CAPN9: variants seen among roughly 807,000 people sequenced by gnomAD.
CAPN9 encodes the protein calpain 9, also known as calpain-9.
Under a neutral mutation model 92.8 loss-of-function variants are expected in CAPN9, and 81 were observed. The observed-to-expected ratio is 0.87, with a 90% confidence interval of 0.73 to 1.05. The LOEUF (loss-of-function observed/expected upper bound fraction) is 1.05, where lower values mean the gene tolerates loss of function less well. Ranked by LOEUF, CAPN9 falls within the 50% of genes least tolerant of loss-of-function variation. The pLI is 0.00. For synonymous variants in CAPN9, 304 were observed against 328.0 expected (o/e 0.93, Z 0.79); for missense variants, 848 against 866.2 (o/e 0.98, Z 0.26).
In CAPN9 at chr1:230,792,371, C is replaced by T. The variant is rs1368939881; in HGVS notation, c.1723-55C>T. On this transcript the variant is annotated intron_variant, in intron 15 of 19. Transcript: ENST00000271971. ...CTGCAGTCCCAGAGCTGAGGTCCCA[C>T]GAGGAGCCTCAGGTTGAAACACTGC... The T allele has an allele frequency of 4.0e-5, 59 of 1,491,870 alleles. 1 individual carries two copies. The highest frequency in any genetic ancestry group is 3.9e-4 in the African/African-American group (28 of 72,452). 92.4% of individuals were successfully genotyped at this position (1,491,870 alleles called of 1,614,324 possible).
Position 230,778,260 on chromosome 1 carries a change from G to C in CAPN9, c.954-713G>C, listed in dbSNP as rs1248834979. ...TACCTTTGGAATGTGTCTCAAATCT[G>C]GCCACTGTTCATCACCTCCCATACC... On this transcript the variant is annotated intron_variant, in intron 8 of 19. Coordinates refer to ENST00000271971, the MANE Select transcript of CAPN9 (RefSeq NM_006615.3). 2.0e-5 allele frequency among the ~76,000 whole-genome samples: 3 copies of C among 152,140 alleles called. No homozygotes were observed. In the East Asian group the frequency reaches 5.8e-4, roughly 29 times the overall value.
chr1:230,775,916 CAAAA>C (rs34406575), intron 8 of CAPN9, among the ~76,000 whole-genome samples: 5 of 110,546 alleles, frequency 4.5e-5, no homozygotes, highest in Admixed American at 2.0e-4. Context: ...TACTCCATCT[CAAAA>C]AAAAAAAAAA....
intron 2 of CAPN9, among the ~76,000 whole-genome samples, chr1:230,755,922 C>T (rs942516113): frequency 2.6e-5 from 4 of 152,148 alleles, no homozygotes; most frequent in Non-Finnish European, 5.9e-5. Flanking sequence ...ATTATACACA[C>T]CCTGGGGAGC....
Position 230,762,700 on chromosome 1 carries a change from G to T in CAPN9, c.450G>T (p.Leu150=). 6.2e-7 allele frequency: 1 copy of T among 1,614,196 alleles called. No homozygotes were observed. The highest frequency in any genetic ancestry group is 8.5e-7 in the Non-Finnish European group (1 of 1,180,022). Residue 150 remains leucine (L), a synonymous_variant, in exon 4 of 20, where the codon CTG becomes CTT. Coordinates refer to ENST00000271971, the MANE Select transcript of CAPN9 (RefSeq NM_006615.3). ...TGGACGTGGTGATCGATGACCGCCT[G>T]CCCACCTTCAGGGACCGCTTGGTTT... ...EWLDVVIDDR[L]PTFRDRLVFL...
At chr1:230,785,461 C>T (rs572801228) in intron 11 of CAPN9, among the ~76,000 whole-genome samples, 3 of 152,144 alleles carry the variant, frequency 2.0e-5, no homozygotes, top group Non-Finnish European at 4.4e-5. Context: ...GTCATGGGGG[C>T]GGATCTCTCA....
intron 14 of CAPN9, 136 bp downstream of exon 14, chr1:230,790,325 CT>C: frequency 7.3e-7 from 1 of 1,373,086 alleles, no homozygotes. Context: ...TTAAAAATAG[CT>C]TTCATTGTTT....
chr1:230,798,344 A>G (rs979291598), intron 19 of CAPN9, 124 bp downstream of exon 19: 7 of 670,698 alleles, frequency 1.0e-5, no homozygotes, highest in Non-Finnish European at 1.9e-5. Context: ...GGGAGTGATT[A>G]TAACAAAATA....
chr1:230,791,618 C>T (rs1572088018), intron 14 of CAPN9, among the ~76,000 whole-genome samples: 2 of 152,130 alleles, frequency 1.3e-5, no homozygotes, highest in South Asian at 4.1e-4. Flanking sequence ...ATTCTTTGCT[C>T]GGGGTTCTTA....
chr1:230,755,435 G>T, intron 2 of CAPN9, 29 bp downstream of exon 2: 1 of 1,552,778 alleles, frequency 6.4e-7, no homozygotes, highest in Non-Finnish European at 8.8e-7. Context: ...AGCATGGCGA[G>T]AGGGAGGTTG....
intron 15 of CAPN9, among the ~76,000 whole-genome samples, chr1:230,792,163 G>A (rs1353078526): frequency 6.6e-6 from 1 of 152,194 alleles, no homozygotes; most frequent in Non-Finnish European, 1.5e-5. Flanking sequence ...GGACTTGGGG[G>A]TCTTCTTGCC....
chr1:230,754,033 G>GA (rs1313523822), intron 1 of CAPN9, among the ~76,000 whole-genome samples: 3 of 151,760 alleles, frequency 2.0e-5, no homozygotes, highest in Non-Finnish European at 4.4e-5. Context: ...TCTCCTGAAC[G>GA]AAACAACAGC....
chr1:230,786,844 C>T (rs7547961), intron 12 of CAPN9, among the ~76,000 whole-genome samples: 32,031 of 152,034 alleles, frequency 0.21, 3,598 homozygotes, highest in African/African-American at 0.28. Flanking sequence ...CAGGGGAACA[C>T]ATTACATCTC....
chr1:230,770,801 G>C (rs1666340383), intron 6 of CAPN9, among the ~76,000 whole-genome samples: 1 of 152,188 alleles, frequency 6.6e-6, no homozygotes, highest in Non-Finnish European at 1.5e-5. Context: ...GTACTTAGAA[G>C]GTGCAGATGC....
In CAPN9 at chr1:230,755,381, G is replaced by A; in HGVS notation, c.258G>A (p.Arg86=). The A allele has an allele frequency of 3.7e-6, 6 of 1,608,966 alleles. No homozygotes were observed. Among genetic ancestry groups the A allele is most frequent in the Non-Finnish European group, 4.2e-6 (5 of 1,177,966 alleles). Residue 86 remains arginine (R), a synonymous_variant, in exon 2 of 20, where the codon AGG becomes AGA. Transcript: ENST00000271971. The part of the protein sequence containing the change: ...NPEFILGGAT[R]TDICQGELGD... ...AATTCATTCTTGGAGGGGCCACCAG[G>A]ACTGATATCTGCCAGGGAGAGCTGG...
chr1:230,756,934 A>G (rs1665259001), intron 2 of CAPN9, among the ~76,000 whole-genome samples: 2 of 151,028 alleles, frequency 1.3e-5, no homozygotes, highest in Non-Finnish European at 3.0e-5. Context: ...AGAGTAAGAC[A>G]CTGTCTCAAA....
rs35822261 is a variant in CAPN9, at chr1:230,772,088, G to A, written c.864G>A (p.Ser288=). 2.8e-4 allele frequency: 451 copies of A among 1,614,132 alleles called. 1 individual carries two copies. The African/African-American group carries it at 5.0e-3, about 18-fold the overall frequency. ...GGGGCCAGGTTGAGTGGAACGGGTC[G>A]TGGAGCGACAGGTCAGTCACCCTAT... is the stretch of plus-strand genomic sequence containing the variant. ...NPWGQVEWNG[S]WSDSSPEWRS... The change falls in exon 7 of 20, where the codon TCG becomes TCA. Residue 288 remains serine, a synonymous_variant. Coordinates refer to ENST00000271971, the MANE Select transcript of CAPN9 (RefSeq NM_006615.3).
Position 230,798,173 on chromosome 1 carries a change from G to T in CAPN9, c.1999G>T (p.Ala667Ser). ...RLENASRVFQALSTKNKEFIH... is the reference protein window; with the variant it reads ...RLENASRVFQSLSTKNKEFIH... ...TTCTCTCCTATCAGGGGTGTTCCAG[G>T]CTCTCAGTACAAAGAACAAGGAGTT... Residue 667 changes from alanine (A) to serine (S), a missense_variant, in exon 19 of 20, where the codon GCT becomes TCT. By Grantham distance (99) the Ala-to-Ser change is moderately conservative. Coordinates refer to ENST00000271971, the MANE Select transcript of CAPN9 (RefSeq NM_006615.3). 6.2e-7 allele frequency: 1 copy of T among 1,609,666 alleles called. No homozygotes were observed. The highest frequency in any genetic ancestry group is 1.1e-5 in the South Asian group (1 of 90,972).
At chr1:230,773,383 C>T (rs1016619318) in intron 7 of CAPN9, among the ~76,000 whole-genome samples, 1 of 152,164 alleles carries the variant, frequency 6.6e-6, no homozygotes, top group Non-Finnish European at 1.5e-5. Context: ...AGTGAGACTG[C>T]GTCACGTTGT....
intron 8 of CAPN9, among the ~76,000 whole-genome samples, chr1:230,775,509 A>C (rs1175589931): frequency 6.6e-6 from 1 of 152,200 alleles, no homozygotes; most frequent in Non-Finnish European, 1.5e-5. Context: ...GGGTTCTAGA[A>C]GTTGGCCCTT....
Sources: gnomAD v4.1 joint callset for allele counts (sites outside exome capture counted in the v4.1 genomes callset) on GRCh38, gnomAD v4.1.1 for gene constraint, MANE v1.5 for transcripts, NCBI Gene and HGNC (gene_info 2026-07-23, HGNC 2026-07-21) for gene names.